Variants in PSMA8 observed in about 807,000 individuals in gnomAD.
PSMA8 encodes proteasome 20S subunit alpha 8.
A neutral mutation model predicts 32.4 loss-of-function variants in PSMA8; 18 were observed. That is an observed-to-expected ratio of 0.56 (90% CI 0.38 to 0.82). The LOEUF (loss-of-function observed/expected upper bound fraction) is 0.82. Among genes scored for constraint, PSMA8 ranks in the 40% least tolerant of loss-of-function variants. The pLI, the probability that PSMA8 is intolerant of heterozygous loss-of-function variation, is 0.00. For missense variants in PSMA8, 298 were observed against 300.7 expected (o/e 0.99, Z 0.07); for synonymous variants, 104 against 98.1 (o/e 1.06, Z -0.36).
At chr18:26,183,917 T>G (rs537592808) in intron 6 of PSMA8, among the ~76,000 whole-genome samples, 10 of 150,856 alleles carry the variant, frequency 6.6e-5, no homozygotes, top group Admixed American at 3.3e-4. Flanking sequence ...ACTACCCTGA[T>G]GAGTCAGCTC....
chr18:26,156,328 A>C (rs553606177), intron 3 of PSMA8, among the ~76,000 whole-genome samples: 81 of 152,180 alleles, frequency 5.3e-4, no homozygotes, highest in Non-Finnish European at 9.7e-4. Flanking sequence ...AAGGTAAAGA[A>C]ATCAGTATAT....
chr18:26,161,206 C>A (rs1432927956), intron 4 of PSMA8, among the ~76,000 whole-genome samples: 1 of 152,136 alleles, frequency 6.6e-6, no homozygotes, highest in Admixed American at 6.5e-5. Flanking sequence ...GAACTAGAAC[C>A]TTTAAACTAG....
At chr18:26,189,631 T>C (rs2055385682) in intron 6 of PSMA8, among the ~76,000 whole-genome samples, 1 of 152,134 alleles carries the variant, frequency 6.6e-6, no homozygotes, top group South Asian at 2.1e-4. Context: ...TTATATCTAA[T>C]AGACAAGCTA....
intron 1 of PSMA8, among the ~76,000 whole-genome samples, chr18:26,142,102 C>T (rs781693455): frequency 4.1e-4 from 60 of 146,032 alleles, no homozygotes; most frequent in Non-Finnish European, 7.4e-4. Context: ...TGCAGTGGCA[C>T]GATCTTGGCT....
chr18:26,176,180 A>G (rs1451813398), intron 4 of PSMA8, among the ~76,000 whole-genome samples: 1 of 152,156 alleles, frequency 6.6e-6, no homozygotes, highest in African/African-American at 2.4e-5. Flanking sequence ...ATTTTAGAAA[A>G]CAAGTCAGGT....
chr18:26,177,463 A>T (rs939869911), intron 4 of PSMA8, among the ~76,000 whole-genome samples: 2 of 152,178 alleles, frequency 1.3e-5, no homozygotes, highest in Non-Finnish European at 2.9e-5. Context: ...CATTTTTGTG[A>T]TGGTTAGATG....
chr18:26,190,494 A>T (rs1057435757), intron 6 of PSMA8, among the ~76,000 whole-genome samples: 5 of 152,224 alleles, frequency 3.3e-5, no homozygotes, highest in African/African-American at 1.2e-4. Context: ...CATGCCTGTA[A>T]TCCCAGCATT....
rs142235624 is a variant in PSMA8 at position 26,186,306 on chromosome 18, G to A, written c.661-6013G>A. Among the ~76,000 whole-genome samples the A allele has an allele frequency of 4.3e-5, 6 of 140,180 alleles. No individual in the cohort carries two copies. The East Asian group carries it at 1.3e-3, about 30-fold the overall frequency. 92.0% of individuals were successfully genotyped at this position (140,180 alleles called of 152,430 possible). A position where few individuals can be genotyped will look rare whatever the true frequency, so the allele number is the denominator to read the frequency against. ...AAAGTGAGGCTCTAGAGCTACCCTA[G>A]TTCAAATTCCAGCTCTACCATTTCC... On this transcript the variant is annotated intron_variant, in intron 6 of 6. Transcript: ENST00000415576.
At chr18:26,167,998 G>A (rs1485672239) in intron 4 of PSMA8, among the ~76,000 whole-genome samples, 1 of 116,364 alleles carries the variant, frequency 8.6e-6, no homozygotes, top group Non-Finnish European at 1.6e-5. Context: ...CTTTCCAGAG[G>A]CAAATACTTT....
At chr18:26,170,763 C>A in intron 4 of PSMA8, 1 of 1,543,780 alleles carries the variant, frequency 6.5e-7, no homozygotes, top group Non-Finnish European at 8.6e-7. Flanking sequence ...GTACTTAATG[C>A]CTTTCTCCTC....
chr18:26,192,432 A>C lies in PSMA8; in HGVS notation c.*21A>C. ...TCTAATTCTTAGGATGACCACTGGG[A>C]GGTCTTAATGTTTTGTTTTATTGTA... On this transcript the variant is annotated 3_prime_UTR_variant, in exon 7 of 7. Transcript: ENST00000415576. 1 of 1,517,464 alleles carries C rather than the reference A, an allele frequency of 6.6e-7. No homozygotes were observed. 94.0% of individuals were successfully genotyped at this position (1,517,464 alleles called of 1,614,324 possible).
chr18:26,164,658 C>G (rs1047359515), intron 4 of PSMA8, among the ~76,000 whole-genome samples: 3 of 152,016 alleles, frequency 2.0e-5, no homozygotes, highest in African/African-American at 7.2e-5. Context: ...GGCATGGAAA[C>G]TTTTCTAGTT....
intron 3 of PSMA8, among the ~76,000 whole-genome samples, chr18:26,152,951 A>G (rs1316789527): frequency 6.6e-6 from 1 of 152,196 alleles, no homozygotes; most frequent in African/African-American, 2.4e-5. Flanking sequence ...CCAGAACTGT[A>G]AGAAGCAAAT....
At chr18:26,179,198 G>T (rs1387724901) in intron 6 of PSMA8, 68 bp downstream of exon 6, 10 of 1,277,062 alleles carry the variant, frequency 7.8e-6, no homozygotes, top group Non-Finnish European at 1.0e-5. Context: ...TTAAAAAGTT[G>T]TTGGCCTCTA....
At chr18:26,191,164 T>A (rs1037122765) in intron 6 of PSMA8, among the ~76,000 whole-genome samples, 1 of 152,320 alleles carries the variant, frequency 6.6e-6, no homozygotes, top group East Asian at 1.9e-4. Flanking sequence ...ATATGTAAAT[T>A]CTAGTGATGG....
At chr18:26,138,260 T>A (rs1472767508) in intron 1 of PSMA8, among the ~76,000 whole-genome samples, 2 of 152,222 alleles carry the variant, frequency 1.3e-5, no homozygotes, top group African/African-American at 4.8e-5. Context: ...AATTTCTATC[T>A]TCCTGGCCAC....
intron 4 of PSMA8, among the ~76,000 whole-genome samples, chr18:26,172,193 T>C (rs2055227801): frequency 6.6e-6 from 1 of 152,136 alleles, no homozygotes; most frequent in Non-Finnish European, 1.5e-5. Context: ...ATACAGTAAA[T>C]ACCAAAAAGT....
Position 26,190,190 on chromosome 18 carries a change from C to CA in PSMA8, c.661-2122dup, listed in dbSNP as rs1300353222. Among the ~76,000 whole-genome samples the CA allele has an allele frequency of 1.1e-4, 16 of 151,838 alleles. No individual in the cohort carries two copies. In the East Asian group the frequency reaches 2.3e-3, roughly 22 times the overall value. On this transcript the variant is annotated intron_variant, in intron 6 of 6. Coordinates refer to ENST00000415576, the MANE Select transcript of PSMA8 (RefSeq NM_001025096.2). Reference sequence around the variant, plus strand: ...GGCAGGTGGGGATGGTTAATAGGTACAAAAAAATAGAATTTATAAGACCTA... The same window carrying CA: ...GGCAGGTGGGGATGGTTAATAGGTACAAAAAAAATAGAATTTATAAGACCTA...
intron 1 of PSMA8, among the ~76,000 whole-genome samples, chr18:26,137,458 A>C (rs556114974): frequency 1.5e-5 from 2 of 136,024 alleles, no homozygotes; most frequent in South Asian, 2.1e-4. Flanking sequence ...AATCTGTCTC[A>C]AAAAAAAATT....
Sources: gnomAD v4.1 joint callset for allele counts (sites outside exome capture counted in the v4.1 genomes callset) on GRCh38, gnomAD v4.1.1 for gene constraint, MANE v1.5 for transcripts, NCBI Gene and HGNC (gene_info 2026-07-23, HGNC 2026-07-21) for gene names.